RBL2: variants seen among roughly 807,000 people sequenced by gnomAD.
RBL2 encodes the protein RB transcriptional corepressor like 2, also known as retinoblastoma-like protein 2.
RBL2 carries 56 observed loss-of-function variants against 126.0 expected under a neutral mutation model. The observed-to-expected ratio is 0.44, with a 90% CI of 0.36 to 0.56. The LOEUF is 0.56. Ranked by LOEUF, RBL2 falls within the 20% of genes least tolerant of loss-of-function variation. RBL2 has a pLI of 0.00. For missense variants in RBL2, 1,229 were observed against 1,398.2 expected, an observed-to-expected ratio of 0.88 and a Z score of 1.93; for synonymous variants, 454 against 478.5, an observed-to-expected ratio of 0.95 and a Z score of 0.67.
chr16:53,459,480 A>C lies in RBL2; in HGVS notation c.1209A>C (p.Leu403=), dbSNP rs776158352. The change falls in exon 9 of 22, where the codon CTA becomes CTC. Residue 403 remains leucine, a synonymous_variant. Coordinates refer to ENST00000262133, the MANE Select transcript of RBL2 (RefSeq NM_005611.4). The part of the protein sequence containing the change: ...KSKALRISTP[L]TGVRYIKENS... ...AAGCACTTAGAATCTCCACACCACT[A>C]ACTGGTGTTAGGTACATTAAGGAGA... 7 of 1,613,284 alleles carry C rather than the reference A, an allele frequency of 4.3e-6. No homozygotes were observed. The highest frequency in any genetic ancestry group is 5.1e-6 in the Non-Finnish European group (6 of 1,179,630).
chr16:53,448,198 C>T (rs1162239601), intron 4 of RBL2, among the ~76,000 whole-genome samples: 1 of 152,062 alleles, frequency 6.6e-6, no homozygotes, highest in Non-Finnish European at 1.5e-5. Flanking sequence ...CACTCTGTTG[C>T]CCAGGCTGGA....
intron 14 of RBL2, 33 bp downstream of exon 14, chr16:53,467,202 GCTTA>G: frequency 6.5e-7 from 1 of 1,531,810 alleles, no homozygotes. Context: ...ATATTTTGGG[GCTTA>G]CTATCTGGAA....
intron 2 of RBL2, among the ~76,000 whole-genome samples, chr16:53,440,713 C>T (rs542336195): frequency 3.7e-4 from 56 of 152,186 alleles, no homozygotes; most frequent in African/African-American, 1.1e-3. Flanking sequence ...ACCACCACAC[C>T]TGGCTAATTT....
chr16:53,478,697 C>T (rs1960826820), intron 17 of RBL2, among the ~76,000 whole-genome samples: 1 of 152,176 alleles, frequency 6.6e-6, no homozygotes, highest in South Asian at 2.1e-4. Flanking sequence ...TCTCAGCTCA[C>T]TGCAACCTCC....
intron 14 of RBL2, 101 bp from the exon 15 acceptor site, chr16:53,469,815 A>AAAC: frequency 2.3e-6 from 3 of 1,314,170 alleles, no homozygotes; most frequent in Non-Finnish European, 3.1e-6. Context: ...ATTATGAAGT[A>AAAC]TTTCAAACAC....
At chr16:53,473,559 G>A (rs1216263606) in intron 17 of RBL2, among the ~76,000 whole-genome samples, 1 of 151,146 alleles carries the variant, frequency 6.6e-6, no homozygotes, top group African/African-American at 2.4e-5. Context: ...TTTTCTAGTA[G>A]ATTCCTTAGG....
intron 17 of RBL2, among the ~76,000 whole-genome samples, chr16:53,478,576 G>T (rs8062535): frequency 6.0e-5 from 8 of 132,968 alleles, no homozygotes; most frequent in South Asian, 2.4e-4. Flanking sequence ...GTTCAAATCT[G>T]TTTTCCCTAG....
chr16:53,447,831 G>C (rs2058076899), intron 4 of RBL2, among the ~76,000 whole-genome samples: 1 of 152,094 alleles, frequency 6.6e-6, no homozygotes, highest in African/African-American at 2.4e-5. Flanking sequence ...TTTCAGTAGA[G>C]ATGGGGTTTC....
intron 9 of RBL2, among the ~76,000 whole-genome samples, chr16:53,460,070 T>A (rs967879475): frequency 6.6e-6 from 1 of 152,212 alleles, no homozygotes; most frequent in African/African-American, 2.4e-5. Flanking sequence ...ACTGTAACTT[T>A]TGTAAGCTCT....
In RBL2 at chr16:53,439,061, A is replaced by G. The variant is rs1478919845; in HGVS notation, c.286A>G (p.Arg96Gly). Reference sequence around the variant, plus strand: ...AGCATGTGCCTTATATGTGGCTTGCAGAAAATCTGTTCCAACTGTAAGCAA... The same window carrying G: ...AGCATGTGCCTTATATGTGGCTTGCGGAAAATCTGTTCCAACTGTAAGCAA... ...WLACALYVAC[R>G]KSVPTVSKGT... Residue 96 changes from arginine to glycine, a missense_variant, in exon 2 of 22, where the codon AGA becomes GGA. Arg to Gly is a moderately radical substitution (Grantham distance 125). This residue lies in a region of RBL2 where 1,070 missense variants were observed against 1,274.3 expected (regional missense o/e 0.84). Coordinates refer to ENST00000262133, the MANE Select transcript of RBL2 (RefSeq NM_005611.4). The G allele has an allele frequency of 6.2e-7, 1 of 1,608,198 alleles. No homozygotes were observed.
At chr16:53,461,590 A>T (rs2058221749) in intron 9 of RBL2, 151 bp from the exon 10 acceptor site, 2 of 457,422 alleles carry the variant, frequency 4.4e-6, no homozygotes, top group African/African-American at 2.1e-5. Flanking sequence ...TTTGAAAAGG[A>T]AGTATGGGAT....
Position 53,470,085 on chromosome 16 carries a change from G to A in RBL2, c.2145G>A (p.Glu715=). Residue 715 remains glutamate (E), a synonymous_variant, in exon 15 of 22, where the codon GAG becomes GAA. Coordinates refer to ENST00000262133, the MANE Select transcript of RBL2 (RefSeq NM_005611.4). ...TCCCTGTGCAGAATGTATCTGGGGAGACTGTTTCTGTCACACCAGTTCCTG... is the reference window on the plus strand; with the variant it reads ...TCCCTGTGCAGAATGTATCTGGGGAAACTGTTTCTGTCACACCAGTTCCTG... ...NAVPVQNVSG[E]TVSVTPVPGQ... The A allele has an allele frequency of 1.9e-6, 3 of 1,614,222 alleles. No homozygotes were observed. The highest frequency in any genetic ancestry group is 2.5e-6 in the Non-Finnish European group (3 of 1,180,024).
chr16:53,466,767 A>G (rs1216320912), intron 13 of RBL2: 2 of 253,096 alleles, frequency 7.9e-6, no homozygotes, highest in Admixed American at 5.4e-5. Flanking sequence ...CCCAGTTCCT[A>G]ACAGGGTCCA....
chr16:53,457,277 T>G lies in RBL2; in HGVS notation c.1180-2174T>G, dbSNP rs866239905. 9.2e-4 allele frequency among the ~76,000 whole-genome samples: 129 copies of G among 139,948 alleles called. 1 individual carries two copies. The highest frequency in any genetic ancestry group is 1.5e-3 in the Non-Finnish European group (98 of 64,130). The allele number at this position is 139,948 out of a possible 152,430, so 91.8% of individuals were successfully genotyped here. ...AGATAGCTTTTTTTTTTTTTTTTTT[T>G]GAGATGGAGTCTCGCTCTGTCACCC... On this transcript the variant is annotated intron_variant, in intron 8 of 21. Coordinates refer to ENST00000262133, the MANE Select transcript of RBL2 (RefSeq NM_005611.4).
intron 2 of RBL2, among the ~76,000 whole-genome samples, chr16:53,440,867 T>C (rs533054009): frequency 6.6e-6 from 1 of 152,010 alleles, no homozygotes; most frequent in African/African-American, 2.4e-5. Flanking sequence ...ATTTTATTCT[T>C]ATCATTGGGA....
chr16:53,478,802 A>G (rs1263609513), intron 17 of RBL2, among the ~76,000 whole-genome samples: 1 of 151,986 alleles, frequency 6.6e-6, no homozygotes, highest in Non-Finnish European at 1.5e-5. Flanking sequence ...TTGTATTTTT[A>G]GTAGATACTG....
intron 1 of RBL2, chr16:53,435,511 C>T (rs922430948): frequency 2.7e-6 from 3 of 1,130,402 alleles, no homozygotes; most frequent in South Asian, 1.6e-5. Context: ...TCGCAGCCTT[C>T]GGACAGGGCT....
chr16:53,470,731 G>GT lies in RBL2; in HGVS notation c.2527-10dup. ...ACAAGTGTTAAACAAAGTTTGAAAT[G>GT]TTTTTATCTCCTAGGTATACCATTT... On this transcript the variant is annotated splice_polypyrimidine_tract_variant and intron_variant, in intron 16 of 21. Coordinates refer to ENST00000262133, the MANE Select transcript of RBL2 (RefSeq NM_005611.4). 2 of 1,612,858 alleles carry GT rather than the reference G, an allele frequency of 1.2e-6. No individual in the cohort carries two copies. Among genetic ancestry groups the GT allele is most frequent in the Non-Finnish European group, 1.7e-6 (2 of 1,179,386 alleles).
At chr16:53,448,448 C>T (rs562325999) in intron 4 of RBL2, among the ~76,000 whole-genome samples, 130 of 151,936 alleles carry the variant, frequency 8.6e-4, no homozygotes, top group Admixed American at 3.3e-3. Context: ...TGAGCCATCG[C>T]ACCCGGCCTA....
Sources: allele counts gnomAD v4.1 joint callset (sites outside exome capture counted in the v4.1 genomes callset), GRCh38; gene constraint gnomAD v4.1.1; regional missense constraint gnomAD v4.1.1; transcripts MANE v1.5; gene names NCBI Gene and HGNC (gene_info 2026-07-23, HGNC 2026-07-21).